Variants in PTPRG observed in about 807,000 individuals in gnomAD.
The protein encoded by PTPRG is protein tyrosine phosphatase receptor type G, also known as receptor-type tyrosine-protein phosphatase gamma.
PTPRG carries 102 observed loss-of-function variants against 165.3 expected under a neutral mutation model. The observed-to-expected ratio is 0.62, with a 90% CI of 0.53 to 0.73. The LOEUF (loss-of-function observed/expected upper bound fraction) is 0.73. Ranked by LOEUF, PTPRG falls within the 30% of genes least tolerant of loss-of-function variation. The pLI is 0.00. For missense variants in PTPRG, 1,866 were observed against 1,861.4 expected (o/e 1.00, Z -0.05); for synonymous variants, 675 against 669.5 (o/e 1.01, Z -0.13).
intron 1 of PTPRG, among the ~76,000 whole-genome samples, chr3:61,571,170 T>G (rs1037752316): frequency 1.3e-5 from 2 of 152,152 alleles, no homozygotes; most frequent in African/African-American, 4.8e-5. Context: ...TAATCATCCC[T>G]GGAAGTATGA....
intron 28 of PTPRG, among the ~76,000 whole-genome samples, chr3:62,283,214 T>A (rs1016768739): frequency 3.3e-5 from 5 of 152,130 alleles, no homozygotes; most frequent in Non-Finnish European, 5.9e-5. Flanking sequence ...AAATACTTTT[T>A]AAAAATCCTT....
At chr3:61,652,886 C>T (rs1193099336) in intron 1 of PTPRG, among the ~76,000 whole-genome samples, 1 of 152,170 alleles carries the variant, frequency 6.6e-6, no homozygotes, top group Non-Finnish European at 1.5e-5. Flanking sequence ...ATGTAACTGC[C>T]AGCTATTTGT....
chr3:61,864,620 TA>T (rs2037356162), intron 2 of PTPRG, among the ~76,000 whole-genome samples: 2 of 152,354 alleles, frequency 1.3e-5, no homozygotes, highest in South Asian at 4.1e-4. Flanking sequence ...TTTCAGCTCT[TA>T]ATTTTTTACC....
chr3:62,145,547 AT>A (rs1280995758), intron 6 of PTPRG, among the ~76,000 whole-genome samples: 18 of 152,182 alleles, frequency 1.2e-4, no homozygotes, highest in African/African-American at 4.3e-4. Context: ...GAAGATGATG[AT>A]GATGATGATG....
chr3:62,061,788 C>T (rs1404776580), intron 4 of PTPRG, among the ~76,000 whole-genome samples: 1 of 20,348 alleles, frequency 4.9e-5, no homozygotes, highest in East Asian at 3.2e-4. Context: ...GCCACCACAC[C>T]CCAGTTAATT....
chr3:61,763,572 T>TGA (rs2033924899), intron 2 of PTPRG, among the ~76,000 whole-genome samples: 2 of 149,948 alleles, frequency 1.3e-5, no homozygotes, highest in Non-Finnish European at 3.0e-5. Context: ...GGTTTCACCA[T>TGA]GTTGGCCAGG....
intron 2 of PTPRG, among the ~76,000 whole-genome samples, chr3:61,872,256 C>G (rs2037606398): frequency 6.6e-6 from 1 of 152,166 alleles, no homozygotes; most frequent in South Asian, 2.1e-4. Flanking sequence ...ACCTGGAGTT[C>G]TGGCAACTCA....
chr3:62,244,150 C>A (rs1457911548), intron 15 of PTPRG, among the ~76,000 whole-genome samples: 1 of 152,204 alleles, frequency 6.6e-6, no homozygotes, highest in Non-Finnish European at 1.5e-5. Context: ...ATTTCATTTG[C>A]ATAGGCAATT....
intron 2 of PTPRG, among the ~76,000 whole-genome samples, chr3:61,964,048 A>C (rs2040214508): frequency 6.6e-6 from 1 of 152,248 alleles, no homozygotes; most frequent in Non-Finnish European, 1.5e-5. Flanking sequence ...TGCTCATTTA[A>C]TACATGCAGG....
intron 5 of PTPRG, among the ~76,000 whole-genome samples, chr3:62,086,278 A>AT (rs34119209): frequency 0.29 from 43,391 of 148,116 alleles, 6,932 homozygotes; most frequent in African/African-American, 0.44. Flanking sequence ...TATGGTTTTA[A>AT]TTTTTTTTTT....
chr3:61,944,750 A>G (rs1197442983), intron 2 of PTPRG, among the ~76,000 whole-genome samples: 1 of 152,190 alleles, frequency 6.6e-6, no homozygotes, highest in African/African-American at 2.4e-5. Context: ...ATCACTGGCA[A>G]TAAACTGGCT....
chr3:62,193,207 G>T (rs1321819398), intron 9 of PTPRG, among the ~76,000 whole-genome samples: 1 of 152,190 alleles, frequency 6.6e-6, no homozygotes, highest in African/African-American at 2.4e-5. Flanking sequence ...GCAGTTTCTT[G>T]TTCTAAGTGG....
chr3:62,208,168 T>C (rs2106854163), intron 12 of PTPRG, among the ~76,000 whole-genome samples: 1 of 152,302 alleles, frequency 6.6e-6, no homozygotes, highest in South Asian at 2.1e-4. Flanking sequence ...CTTGAAGGCC[T>C]AGGTGTACTC....
intron 1 of PTPRG, among the ~76,000 whole-genome samples, chr3:61,600,310 CTAA>C (rs1700827913): frequency 6.6e-6 from 1 of 151,566 alleles, no homozygotes; most frequent in Non-Finnish European, 1.5e-5. Context: ...CATAGTAATT[CTAA>C]TTCCCAGTCA....
chr3:61,957,709 G>A (rs996606573), intron 2 of PTPRG, among the ~76,000 whole-genome samples: 1 of 152,188 alleles, frequency 6.6e-6, no homozygotes, highest in Non-Finnish European at 1.5e-5. Context: ...GGAGTGACTG[G>A]TCAAAAGGAT....
At chr3:61,837,076 G>A (rs1023864890) in intron 2 of PTPRG, among the ~76,000 whole-genome samples, 40 of 152,226 alleles carry the variant, frequency 2.6e-4, no homozygotes, top group African/African-American at 8.9e-4. Flanking sequence ...CATCATGCCC[G>A]GCCAATTTTT....
intron 1 of PTPRG, among the ~76,000 whole-genome samples, chr3:61,563,344 C>G (rs1158328220): frequency 6.6e-6 from 1 of 152,140 alleles, no homozygotes; most frequent in Non-Finnish European, 1.5e-5. Context: ...AATCACCGCA[C>G]GTAACGGTGT....
chr3:61,911,144 C>T (rs1267558554), intron 2 of PTPRG, among the ~76,000 whole-genome samples: 13 of 152,144 alleles, frequency 8.5e-5, no homozygotes, highest in Admixed American at 5.9e-4. Flanking sequence ...ACCTCTATTT[C>T]CTTCTTTCAA....
intron 1 of PTPRG, among the ~76,000 whole-genome samples, chr3:61,706,010 T>G (rs2031230999): frequency 6.6e-6 from 1 of 152,194 alleles, no homozygotes; most frequent in Non-Finnish European, 1.5e-5. Flanking sequence ...ACAGTTATGT[T>G]GTATAAAGAG....
Sources: allele counts gnomAD v4.1 joint callset (sites outside exome capture counted in the v4.1 genomes callset), GRCh38; gene constraint gnomAD v4.1.1; transcripts MANE v1.5; gene names NCBI Gene and HGNC (gene_info 2026-07-23, HGNC 2026-07-21).